The following FUT8 variants were observed in gnomAD, a reference collection of about 807,000 sequenced individuals.
FUT8 encodes alpha-(1,6)-fucosyltransferase.
In FUT8, 29 loss-of-function variants were observed where a neutral mutation model predicts 71.3. The observed-to-expected ratio is 0.41, with a 90% confidence interval of 0.30 to 0.55. FUT8 has a LOEUF of 0.55. Among genes scored for constraint, FUT8 ranks in the 20% least tolerant of loss-of-function variants. FUT8 has a pLI of 0.34. For synonymous variants in FUT8, 254 were observed against 239.3 expected (o/e 1.06, Z -0.57); for missense variants, 544 against 702.1 (o/e 0.77, Z 2.55).
rs1157374416 is a variant in FUT8 at position 65,660,994 on chromosome 14, CAAAT to C, written c.598-8245_598-8242del. ...GCTAGATATTGCAAATCTTTTTAAA[CAAAT>C]AAAAACTGTTTAGTCTTCTGATTAG... On this transcript the variant is annotated intron_variant, in intron 6 of 10. Coordinates refer to ENST00000673929, the MANE Select transcript of FUT8 (RefSeq NM_001371533.1). This position sits in a 1 kb window ranked among gnomAD's most constrained non-coding sequence, Gnocchi z 4.1. Among the ~76,000 whole-genome samples the C allele has an allele frequency of 1.3e-5, 2 of 152,096 alleles. No homozygotes were observed. The highest frequency in any genetic ancestry group is 6.6e-5 in the Admixed American group (1 of 15,260).
intron 3 of FUT8, among the ~76,000 whole-genome samples, chr14:65,596,480 G>A (rs545015897): frequency 6.6e-6 from 1 of 152,162 alleles, no homozygotes; most frequent in South Asian, 2.1e-4. Flanking sequence ...TTCTGTAGGA[G>A]GACTGTCTTC....
At chr14:65,617,046 CT>C in intron 5 of FUT8, 1 of 1,560,950 alleles carries the variant, frequency 6.4e-7, no homozygotes, top group South Asian at 1.2e-5. Context: ...ACAGTGAAAC[CT>C]GTCTTTAGGC....
chr14:65,463,691 C>T (rs1370910914), intron 2 of FUT8, among the ~76,000 whole-genome samples: 1 of 152,110 alleles, frequency 6.6e-6, no homozygotes, highest in African/African-American at 2.4e-5. Flanking sequence ...ATTCCTGGGG[C>T]CATGGTGGCT....
At chr14:65,468,558 T>C (rs2066084541) in intron 2 of FUT8, among the ~76,000 whole-genome samples, 1 of 152,106 alleles carries the variant, frequency 6.6e-6, no homozygotes, top group Non-Finnish European at 1.5e-5. Context: ...ATCTTATTGG[T>C]CTTAAAGTTA....
chr14:65,386,413 A>T, the FUT8 span, among the ~76,000 whole-genome samples: 1 of 146,246 alleles, frequency 6.8e-6, no homozygotes, highest in Non-Finnish European at 1.5e-5. Flanking sequence ...CTGAGGTGGG[A>T]GCATCTCTGA....
chr14:65,714,419 TTTTATTTATTTA>T (rs55846929), intron 7 of FUT8, among the ~76,000 whole-genome samples: 52,240 of 145,364 alleles, frequency 0.36, 11,570 homozygotes, highest in Non-Finnish European at 0.5. Flanking sequence ...TCCATATAAA[TTTTATTTATTTA>T]TTTATTTATT....
At chr14:65,647,209 A>G (rs1462855352) in intron 6 of FUT8, among the ~76,000 whole-genome samples, 1 of 152,226 alleles carries the variant, frequency 6.6e-6, no homozygotes, top group Non-Finnish European at 1.5e-5. Flanking sequence ...AGATCACTCA[A>G]GGTCTTATTA....
chr14:65,689,779 C>T (rs967666402), intron 7 of FUT8, among the ~76,000 whole-genome samples: 9 of 152,216 alleles, frequency 5.9e-5, no homozygotes, highest in African/African-American at 9.6e-5. Context: ...CCTCGTGATC[C>T]GCCCACCTCG....
At chr14:65,587,233 A>G (rs1387392346) in intron 3 of FUT8, among the ~76,000 whole-genome samples, 1 of 152,112 alleles carries the variant, frequency 6.6e-6, no homozygotes, top group African/African-American at 2.4e-5. Context: ...AAAAATAGGA[A>G]ATATTTGTAT....
At position 65,512,355 on chromosome 14, in the gene FUT8, G is replaced by A. The variant is rs181733825; in HGVS notation, c.-227-48982G>A. ...TAAGTTTTGTAATTTTAGTAGAGAC[G>A]AGGTTTCACCATATTGTCCAGGCAG... On this transcript the variant is annotated intron_variant, in intron 2 of 10. Coordinates refer to ENST00000673929, the MANE Select transcript of FUT8 (RefSeq NM_001371533.1). Among the ~76,000 whole-genome samples, 60 of 152,126 alleles carry A rather than the reference G, an allele frequency of 3.9e-4. No homozygotes were observed. In the East Asian group the frequency reaches 8.0e-3, roughly 20 times the overall value.
chr14:65,511,538 C>T (rs561615043), intron 2 of FUT8, among the ~76,000 whole-genome samples: 2 of 152,214 alleles, frequency 1.3e-5, no homozygotes, highest in East Asian at 3.9e-4. Context: ...CTCTTTAGCT[C>T]TAATAATATT....
intron 7 of FUT8, among the ~76,000 whole-genome samples, chr14:65,677,160 G>GCA (rs1892789498): frequency 1.7e-5 from 2 of 114,978 alleles, no homozygotes; most frequent in Non-Finnish European, 3.4e-5. Flanking sequence ...GTGCGCGCGC[G>GCA]CATGCGCGCG....
intron 7 of FUT8, among the ~76,000 whole-genome samples, chr14:65,675,156 TC>T (rs1197027652): frequency 1.3e-5 from 2 of 152,182 alleles, no homozygotes; most frequent in Non-Finnish European, 2.9e-5. Flanking sequence ...CTCATTAAAA[TC>T]TAGTGGGATC....
chr14:65,487,972 T>C (rs1432682219), intron 2 of FUT8, among the ~76,000 whole-genome samples: 4 of 152,108 alleles, frequency 2.6e-5, no homozygotes, highest in African/African-American at 9.7e-5. Context: ...GGACTACAAG[T>C]GTGTGCCACC....
chr14:65,457,423 G>A (rs554873493), intron 2 of FUT8, among the ~76,000 whole-genome samples: 1 of 152,196 alleles, frequency 6.6e-6, no homozygotes, highest in Non-Finnish European at 1.5e-5. Context: ...ATTGGAACTT[G>A]TGGTGTTCCC....
intron 2 of FUT8, among the ~76,000 whole-genome samples, chr14:65,559,556 A>G (rs1490651749): frequency 6.7e-6 from 1 of 149,836 alleles, no homozygotes; most frequent in African/African-American, 2.5e-5. Flanking sequence ...ATTAACTAGG[A>G]TATAGTACAG....
In FUT8 at chr14:65,578,443, G is replaced by A. The variant is rs78939099; in HGVS notation, c.203+16677G>A. Among the ~76,000 whole-genome samples, 885 of 152,218 alleles carry A rather than the reference G, an allele frequency of 5.8e-3. 32 individuals are homozygous for A. The East Asian group carries it at 0.093, about 16-fold the overall frequency. ...TTGTTTTTGAAATTGTTATATTGAC[G>A]TCTTTTAATTCATTTAGCTCAAGCT... On this transcript the variant is annotated intron_variant, in intron 3 of 10. Transcript: ENST00000673929.
intron 7 of FUT8, among the ~76,000 whole-genome samples, chr14:65,672,681 A>G (rs897739958): frequency 6.6e-6 from 1 of 152,082 alleles, no homozygotes; most frequent in Non-Finnish European, 1.5e-5. Flanking sequence ...GGCTGATGTC[A>G]AACTCCTGGC....
At chr14:65,664,107 G>A (rs528372697) in intron 6 of FUT8, among the ~76,000 whole-genome samples, 1 of 152,036 alleles carries the variant, frequency 6.6e-6, no homozygotes, top group Admixed American at 6.6e-5. Flanking sequence ...TATTGAAGAA[G>A]ATATGAGGGA....
Sources: gnomAD v4.1 joint callset for allele counts (sites outside exome capture counted in the v4.1 genomes callset) on GRCh38, gnomAD v4.1.1 for gene constraint, Gnocchi (gnomAD v3.1) non-coding constraint, MANE v1.5 for transcripts, NCBI Gene and HGNC (gene_info 2026-07-23, HGNC 2026-07-21) for gene names.